GRID2: variants seen among roughly 807,000 people sequenced by gnomAD.
GRID2 encodes glutamate receptor ionotropic, delta-2.
GRID2 carries 33 observed loss-of-function variants against 114.8 expected under a neutral mutation model. The observed-to-expected ratio is 0.29, with a 90% CI of 0.22 to 0.38. GRID2 has a LOEUF of 0.38. GRID2 is among the 10% of genes least tolerant of loss of function. The probability of loss-of-function intolerance (pLI) is 1.00; values close to 1 mark genes in which losing one functional copy is unlikely to be tolerated. For missense variants in GRID2, 1,184 were observed against 1,257.7 expected (o/e 0.94, Z 0.89); for synonymous variants, 505 against 449.9 (o/e 1.12, Z -1.55).
At chr4:93,593,437 T>C in intron 13 of GRID2, among the ~76,000 whole-genome samples, 3 of 131,736 alleles carry the variant, frequency 2.3e-5, no homozygotes, top group Non-Finnish European at 4.9e-5. Flanking sequence ...GTTAGTCTGA[T>C]GGGCTTCCCT....
Position 93,207,580 on chromosome 4 carries a change from G to A in GRID2, c.789+123G>A, listed in dbSNP as rs1035381906. The A allele has an allele frequency of 7.6e-5, 49 of 641,620 alleles. No homozygotes were observed. The South Asian group carries it at 8.8e-4, about 11-fold the overall frequency. 39.7% of individuals were successfully genotyped at this position (641,620 alleles called of 1,614,324 possible). A position where few individuals can be genotyped will look rare whatever the true frequency, so the allele number is the denominator to read the frequency against. ...ACTTGAAGTAAACATTCAACTTACT[G>A]AGTGAATGCTGTTTAACAAAGATAG... On this transcript the variant is annotated intron_variant, in intron 5 of 15. Coordinates refer to ENST00000282020, the MANE Select transcript of GRID2 (RefSeq NM_001510.4).
intron 2 of GRID2, among the ~76,000 whole-genome samples, chr4:92,756,683 G>A: frequency 6.6e-6 from 1 of 151,644 alleles, no homozygotes; most frequent in East Asian, 1.9e-4. Flanking sequence ...TTTTATTTTG[G>A]GTCTGATTTT....
At chr4:93,733,460 G>C (rs1190011034) in intron 14 of GRID2, among the ~76,000 whole-genome samples, 1 of 152,108 alleles carries the variant, frequency 6.6e-6, no homozygotes, top group Non-Finnish European at 1.5e-5. Flanking sequence ...TGGCCTGCCT[G>C]TTAAAACAAA....
chr4:93,594,133 G>T (rs1012673899), intron 13 of GRID2, among the ~76,000 whole-genome samples: 2 of 152,162 alleles, frequency 1.3e-5, no homozygotes, highest in Non-Finnish European at 2.9e-5. Flanking sequence ...GAGGCACTCT[G>T]CTTTTTAGAG....
chr4:93,683,172 C>G (rs572585010), intron 14 of GRID2, among the ~76,000 whole-genome samples: 4 of 152,020 alleles, frequency 2.6e-5, no homozygotes, highest in South Asian at 4.2e-4. Context: ...CCCTGGGCTT[C>G]TCCTTGGCAT....
chr4:93,590,846 GCTCT>G (rs1738191389), intron 13 of GRID2, among the ~76,000 whole-genome samples: 1 of 148,724 alleles, frequency 6.7e-6, no homozygotes, highest in Non-Finnish European at 1.5e-5. Flanking sequence ...TCATGATTTG[GCTCT>G]CTGTTTGTCT....
chr4:93,246,013 A>G (rs569460262), intron 8 of GRID2, among the ~76,000 whole-genome samples: 10 of 152,198 alleles, frequency 6.6e-5, no homozygotes, highest in Non-Finnish European at 1.5e-4. Flanking sequence ...TATACATGAC[A>G]GTCACAGTGA....
chr4:93,090,425 G>C (rs1281023290), intron 3 of GRID2, among the ~76,000 whole-genome samples: 1 of 152,106 alleles, frequency 6.6e-6, no homozygotes, highest in Non-Finnish European at 1.5e-5. Context: ...ATTGCCCATA[G>C]GCAAAACCTA....
intron 13 of GRID2, among the ~76,000 whole-genome samples, chr4:93,617,421 G>T (rs1288862542): frequency 6.6e-6 from 1 of 152,076 alleles, no homozygotes; most frequent in Non-Finnish European, 1.5e-5. Flanking sequence ...CAAACTATGA[G>T]ATTCAGTCTG....
chr4:92,736,072 T>A (rs1218147059), intron 2 of GRID2, among the ~76,000 whole-genome samples: 3 of 152,016 alleles, frequency 2.0e-5, no homozygotes, highest in Non-Finnish European at 4.4e-5. Flanking sequence ...GCAAATATAA[T>A]CAAATTAAGG....
intron 3 of GRID2, among the ~76,000 whole-genome samples, chr4:93,097,917 T>C (rs530139442): frequency 2.1e-4 from 32 of 151,966 alleles, no homozygotes; most frequent in Admixed American, 5.3e-4. Context: ...AATAAAATGA[T>C]ACCTCTCTAA....
At chr4:92,723,901 A>G (rs1019135961) in intron 2 of GRID2, among the ~76,000 whole-genome samples, 36 of 152,234 alleles carry the variant, frequency 2.4e-4, no homozygotes, top group Non-Finnish European at 2.9e-5. Flanking sequence ...AGCATATTCA[A>G]AATAGCTATT....
At chr4:93,203,587 TAGTG>T (rs1430504473) in intron 4 of GRID2, among the ~76,000 whole-genome samples, 2 of 152,184 alleles carry the variant, frequency 1.3e-5, no homozygotes, top group Non-Finnish European at 2.9e-5. Context: ...AAAGTTACTC[TAGTG>T]AGTATGTTTA....
In GRID2 at chr4:93,566,263, C is replaced by T. The variant is rs1042702935; in HGVS notation, c.2193+50852C>T. Reference sequence around the variant, plus strand: ...TGTGGATTAAACTAAGTGCAAGAAGCCCAGACTCAAAAGGTTACAAACTCT... The same window carrying T: ...TGTGGATTAAACTAAGTGCAAGAAGTCCAGACTCAAAAGGTTACAAACTCT... On this transcript the variant is annotated intron_variant, in intron 13 of 15. Transcript: ENST00000282020. 6.6e-5 allele frequency among the ~76,000 whole-genome samples: 10 copies of T among 152,008 alleles called. No homozygotes were observed. The South Asian group carries it at 8.3e-4, about 13-fold the overall frequency.
At chr4:92,614,571 G>C (rs755938445) in intron 2 of GRID2, among the ~76,000 whole-genome samples, 7 of 151,542 alleles carry the variant, frequency 4.6e-5, no homozygotes, top group Non-Finnish European at 7.4e-5. Flanking sequence ...TGACCAGATA[G>C]AATACTGTAT....
At chr4:93,783,953 T>A (rs1003095384) in intron 1 of GRID2, among the ~76,000 whole-genome samples, 1 of 148,642 alleles carries the variant, frequency 6.7e-6, no homozygotes, top group African/African-American at 2.5e-5. Flanking sequence ...GCGCCTGTAG[T>A]CCCAGCTACT....
chr4:93,078,844 T>C (rs1347800303), intron 2 of GRID2, among the ~76,000 whole-genome samples: 1 of 147,146 alleles, frequency 6.8e-6, no homozygotes, highest in Non-Finnish European at 1.5e-5. Context: ...TTAGTATATT[T>C]ACTAATTTTT....
intron 12 of GRID2, among the ~76,000 whole-genome samples, chr4:93,506,490 G>C (rs1219993603): frequency 6.6e-6 from 1 of 152,174 alleles, no homozygotes; most frequent in Admixed American, 6.5e-5. Context: ...CTCTAAAGGA[G>C]TTCAAACCAG....
chr4:93,295,688 A>G (rs1000450789), intron 8 of GRID2, among the ~76,000 whole-genome samples: 1 of 152,038 alleles, frequency 6.6e-6, no homozygotes, highest in African/African-American at 2.4e-5. Context: ...AGGCTGTTCA[A>G]CTGATTGAAT....
Sources: allele counts gnomAD v4.1 joint callset (sites outside exome capture counted in the v4.1 genomes callset), GRCh38; gene constraint gnomAD v4.1.1; transcripts MANE v1.5; gene names NCBI Gene and HGNC (gene_info 2026-07-23, HGNC 2026-07-21).